Variants in ADAMTS3 observed in about 807,000 individuals in gnomAD.
ADAMTS3 encodes the protein A disintegrin and metalloproteinase with thrombospondin motifs 3.
In ADAMTS3, 73 loss-of-function variants were observed where a neutral mutation model predicts 129.0. That is an observed-to-expected ratio of 0.57 (90% CI 0.47 to 0.69). The LOEUF is 0.69. Ranked by LOEUF, ADAMTS3 falls within the 30% of genes least tolerant of loss-of-function variation. The probability of loss-of-function intolerance (pLI) is 0.00; values close to 1 mark genes in which losing one functional copy is unlikely to be tolerated. For missense variants in ADAMTS3, 1,457 were observed against 1,514.5 expected (o/e 0.96, Z 0.63); for synonymous variants, 477 against 510.8 (o/e 0.93, Z 0.89).
intron 3 of ADAMTS3, among the ~76,000 whole-genome samples, chr4:72,486,953 A>T (rs990615790): frequency 1.3e-5 from 2 of 152,164 alleles, no homozygotes; most frequent in African/African-American, 4.8e-5. Context: ...ATTGGATTTC[A>T]TGAAAACTAT....
At chr4:72,366,404 G>A (rs1314915151) in intron 4 of ADAMTS3, among the ~76,000 whole-genome samples, 3 of 152,108 alleles carry the variant, frequency 2.0e-5, no homozygotes, top group Non-Finnish European at 4.4e-5. Flanking sequence ...GTTGCCAGAG[G>A]TTTAATACAG....
intron 3 of ADAMTS3, among the ~76,000 whole-genome samples, chr4:72,500,686 T>C (rs1400476240): frequency 6.6e-6 from 1 of 152,026 alleles, no homozygotes; most frequent in Non-Finnish European, 1.5e-5. Context: ...CAAATTATTT[T>C]CCAAAGCTGG....
Position 72,310,920 on chromosome 4 carries a change from A to T in ADAMTS3, c.2055+128T>A, listed in dbSNP as rs529959128. ...CTCTCAAATTTATTTTAGCTATTGAACTATTCATAGACACTTACTATAATG... is the reference window on the plus strand; with the variant it reads ...CTCTCAAATTTATTTTAGCTATTGATCTATTCATAGACACTTACTATAATG... On this transcript the variant is annotated intron_variant, in intron 14 of 21. Transcript: ENST00000286657. 112 of 820,512 alleles carry T rather than the reference A, an allele frequency of 1.4e-4. No homozygotes were observed. In the African/African-American group the frequency reaches 1.8e-3, roughly 13 times the overall value. 50.8% of individuals were successfully genotyped at this position (820,512 alleles called of 1,614,324 possible). A position where few individuals can be genotyped will look rare whatever the true frequency, so the allele number is the denominator to read the frequency against.
intron 3 of ADAMTS3, among the ~76,000 whole-genome samples, chr4:72,442,562 G>C (rs1211191082): frequency 6.6e-6 from 1 of 151,678 alleles, no homozygotes; most frequent in Non-Finnish European, 1.5e-5. Context: ...AGCCATTCAA[G>C]AAGGGTCCAC....
At chr4:72,454,926 A>G (rs1477634374) in intron 3 of ADAMTS3, among the ~76,000 whole-genome samples, 2 of 151,742 alleles carry the variant, frequency 1.3e-5, no homozygotes, top group Non-Finnish European at 2.9e-5. Context: ...TTGATAATTC[A>G]ACATCATAAT....
intron 3 of ADAMTS3, among the ~76,000 whole-genome samples, chr4:72,547,091 T>C (rs1267492804): frequency 6.6e-6 from 1 of 152,172 alleles, no homozygotes; most frequent in Non-Finnish European, 1.5e-5. Flanking sequence ...ATTTGGGCTT[T>C]GGCTGGGTAA....
chr4:72,316,218 T>A (rs1719391577), intron 10 of ADAMTS3, among the ~76,000 whole-genome samples: 1 of 152,194 alleles, frequency 6.6e-6, no homozygotes, highest in Non-Finnish European at 1.5e-5. Context: ...ACTTTTAAGG[T>A]TTTTGCTTGC....
chr4:72,403,216 C>A (rs897549386), intron 4 of ADAMTS3, among the ~76,000 whole-genome samples: 21 of 152,048 alleles, frequency 1.4e-4, no homozygotes, highest in Admixed American at 2.6e-4. Flanking sequence ...GGACATGGTA[C>A]TTCTGTCACT....
At chr4:72,389,290 G>C (rs1276045275) in intron 4 of ADAMTS3, among the ~76,000 whole-genome samples, 1 of 151,984 alleles carries the variant, frequency 6.6e-6, no homozygotes, top group Non-Finnish European at 1.5e-5. Context: ...AAATAAAAAA[G>C]AAAATTCAGA....
intron 6 of ADAMTS3, 92 bp from the exon 7 acceptor site, chr4:72,320,962 T>C (rs1258535905): frequency 1.5e-6 from 2 of 1,314,100 alleles, no homozygotes; most frequent in Non-Finnish European, 2.1e-6. Flanking sequence ...GGGATTAAAG[T>C]ATTTAAACAA....
intron 4 of ADAMTS3, among the ~76,000 whole-genome samples, chr4:72,377,537 A>G (rs1047587541): frequency 3.3e-5 from 5 of 152,206 alleles, no homozygotes; most frequent in Non-Finnish European, 7.3e-5. Context: ...AGGAGAGAAG[A>G]CACAGTAGTC....
chr4:72,299,777 G>A (rs984814654), intron 17 of ADAMTS3, among the ~76,000 whole-genome samples: 4 of 152,002 alleles, frequency 2.6e-5, no homozygotes, highest in Non-Finnish European at 5.9e-5. Context: ...ACTGTACATT[G>A]CATGACTGTC....
intron 4 of ADAMTS3, among the ~76,000 whole-genome samples, chr4:72,398,068 A>G (rs1304428625): frequency 6.6e-6 from 1 of 152,214 alleles, no homozygotes; most frequent in African/African-American, 2.4e-5. Context: ...ACAATCTGCT[A>G]TGAAGTGTCA....
At chr4:72,518,452 T>C (rs141162335) in intron 3 of ADAMTS3, among the ~76,000 whole-genome samples, 1 of 152,102 alleles carries the variant, frequency 6.6e-6, no homozygotes, top group South Asian at 2.1e-4. Flanking sequence ...AAGTCTCCCA[T>C]TTTTATTGTG....
chr4:72,326,974 T>A (rs1196061121), intron 5 of ADAMTS3, among the ~76,000 whole-genome samples: 2 of 152,168 alleles, frequency 1.3e-5, no homozygotes, highest in African/African-American at 4.8e-5. Flanking sequence ...CCAGTCAGTA[T>A]GTCAATGTTT....
intron 3 of ADAMTS3, among the ~76,000 whole-genome samples, chr4:72,519,258 C>G (rs1019363402): frequency 6.6e-6 from 1 of 152,106 alleles, no homozygotes; most frequent in Admixed American, 6.5e-5. Context: ...TTTCTCTCTG[C>G]CTGCCCTTAA....
intron 2 of ADAMTS3, among the ~76,000 whole-genome samples, chr4:72,558,582 C>T (rs553584489): frequency 6.6e-6 from 1 of 151,866 alleles, no homozygotes; most frequent in Non-Finnish European, 1.5e-5. Context: ...AACATACTCG[C>T]AGGTTCCAAG....
chr4:72,566,104 T>C (rs980431247), intron 2 of ADAMTS3, among the ~76,000 whole-genome samples: 6 of 152,210 alleles, frequency 3.9e-5, no homozygotes, highest in African/African-American at 1.4e-4. Flanking sequence ...TATCTGATCA[T>C]AAACACTGTA....
At chr4:72,450,985 AGAAGAGAAGAGAAGAGAAG>A in intron 3 of ADAMTS3, among the ~76,000 whole-genome samples, 1 of 64,598 alleles carries the variant, frequency 1.5e-5, no homozygotes, top group Non-Finnish European at 3.4e-5. Context: ...AGAAGAGAAG[AGAAGAGAAGAGAAGAGAAG>A]AGAAGAGAAG....
Sources: allele counts gnomAD v4.1 joint callset (sites outside exome capture counted in the v4.1 genomes callset), GRCh38; gene constraint gnomAD v4.1.1; transcripts MANE v1.5; gene names NCBI Gene and HGNC (gene_info 2026-07-23, HGNC 2026-07-21).